TMEM236: variants seen among roughly 807,000 people sequenced by gnomAD.
TMEM236 encodes family with sequence similarity 23, member A.
In TMEM236, 11 loss-of-function variants were observed where a neutral mutation model predicts 14.7. That is an observed-to-expected ratio of 0.75 (90% CI 0.47 to 1.24). The LOEUF (loss-of-function observed/expected upper bound fraction) is 1.24, where lower values mean the gene tolerates loss of function less well. Ranked by LOEUF, TMEM236 falls within the 50% of genes most tolerant of loss-of-function variation. The pLI is 0.00. For missense variants in TMEM236, 464 were observed against 427.3 expected (o/e 1.09, Z -0.76); for synonymous variants, 182 against 168.6 (o/e 1.08, Z -0.62).
chr10:17,773,193 G>A (rs1465456123), intron 2 of TMEM236, among the ~76,000 whole-genome samples: 3 of 152,184 alleles, frequency 2.0e-5, no homozygotes, highest in Non-Finnish European at 4.4e-5. Flanking sequence ...GTATGCAGGA[G>A]CAGAACTGAT....
At chr10:17,758,569 A>T (rs1837313543) in intron 1 of TMEM236, among the ~76,000 whole-genome samples, 1 of 152,210 alleles carries the variant, frequency 6.6e-6, no homozygotes, top group Non-Finnish European at 1.5e-5. Flanking sequence ...GTTTTAAGAA[A>T]TTTCATAAGA....
rs1353938629 is a variant in TMEM236, at chr10:17,797,951, T to C, written c.*1447T>C. On this transcript the variant is annotated 3_prime_UTR_variant, in exon 4 of 4. Transcript: ENST00000377495. ...TCAAAGTACAAGCCCTGTTTAAAAT[T>C]AAAAGTTCGGCTTACAAATATAATA... The C allele has an allele frequency of 6.6e-6, 1 of 152,252 alleles. No individual in the cohort carries two copies. Among genetic ancestry groups the C allele is most frequent in the Non-Finnish European group, 1.5e-5 (1 of 68,068 alleles). The allele number at this position is 152,252 out of a possible 1,614,324, so 9.4% of individuals were successfully genotyped here.
At chr10:17,786,634 A>C (rs1837841741) in intron 3 of TMEM236, among the ~76,000 whole-genome samples, 1 of 152,184 alleles carries the variant, frequency 6.6e-6, no homozygotes, top group Non-Finnish European at 1.5e-5. Context: ...TTGGGACCTT[A>C]AGTCCTTCTG....
intron 3 of TMEM236, among the ~76,000 whole-genome samples, chr10:17,791,196 G>T: frequency 6.6e-6 from 1 of 152,046 alleles, no homozygotes. Context: ...CTGTAATTTG[G>T]TGCGTTGGGA....
At chr10:17,754,924 TTTTATTTA>T (rs372416227) in intron 1 of TMEM236, among the ~76,000 whole-genome samples, 8 of 146,774 alleles carry the variant, frequency 5.5e-5, no homozygotes, top group South Asian at 2.2e-4. Flanking sequence ...CATACTGATG[TTTTATTTA>T]TTTATTTATT....
In TMEM236 at chr10:17,798,456, T is replaced by A. The variant is rs1170877449; in HGVS notation, c.*1952T>A. On this transcript the variant is annotated 3_prime_UTR_variant, in exon 4 of 4. Transcript: ENST00000377495. ...TAGGAGGCTGGGGCAGGAAGATTGC[T>A]TGAGCCCAGGAGGTCAAGGCTACAG... The A allele has an allele frequency of 1.3e-5, 6 of 454,274 alleles. No individual in the cohort carries two copies. The highest frequency in any genetic ancestry group is 9.9e-5 in the Admixed American group (4 of 40,480). 28.1% of individuals were successfully genotyped at this position (454,274 alleles called of 1,614,324 possible). A position where few individuals can be genotyped will look rare whatever the true frequency, so the allele number is the denominator to read the frequency against.
rs1042171519 is a variant in TMEM236 at position 17,752,261 on chromosome 10, A to T, written c.-35A>T. 476 of 1,613,920 alleles carry T rather than the reference A, an allele frequency of 2.9e-4. 2 individuals carry two copies. In the African/African-American group the frequency reaches 5.7e-3, roughly 19 times the overall value. On this transcript the variant is annotated 5_prime_UTR_variant, in exon 1 of 4. Coordinates refer to ENST00000377495, the MANE Select transcript of TMEM236 (RefSeq NM_001098844.3). ...ATATGCTGCCCACAGTCAAAGAGGG[A>T]GTCCCAGGTTCTTGGCAGCTTGCTT... is the stretch of plus-strand genomic sequence containing the variant.
chr10:17,791,194 T>C (rs2461155), intron 3 of TMEM236, among the ~76,000 whole-genome samples: 126,392 of 151,986 alleles, frequency 0.83, 53,087 homozygotes, highest in African/African-American at 0.93. Flanking sequence ...GCCTGTAATT[T>C]GGTGCGTTGG....
At position 17,752,213 on chromosome 10, in the gene TMEM236, CCCAGTTCAGTGTCTGTGGGT is replaced by C. The variant is rs1334982995; in HGVS notation, c.-79_-60del. 1 of 1,607,468 alleles carries C rather than the reference CCCAGTTCAGTGTCTGTGGGT, an allele frequency of 6.2e-7. No homozygotes were observed. The highest frequency in any genetic ancestry group is 1.3e-5 in the African/African-American group (1 of 74,730). On this transcript the variant is annotated 5_prime_UTR_variant, in exon 1 of 4. Transcript: ENST00000377495. ...GCGATTCGAGGACAAGGAACTTGAT[CCCAGTTCAGTGTCTGTGGGT>C]CCATATGCTGCCCACAGTCAAAGAG...
chr10:17,787,274 C>A (rs1046311877), intron 3 of TMEM236, among the ~76,000 whole-genome samples: 3 of 152,216 alleles, frequency 2.0e-5, no homozygotes, highest in Admixed American at 6.5e-5. Flanking sequence ...CTCTGTGGGG[C>A]CTGATGTCGC....
intron 1 of TMEM236, among the ~76,000 whole-genome samples, chr10:17,770,649 C>G (rs1374113883): frequency 1.3e-5 from 2 of 152,208 alleles, no homozygotes; most frequent in Non-Finnish European, 2.9e-5. Flanking sequence ...TCCCAAAATG[C>G]TGGGATTACA....
intron 1 of TMEM236, among the ~76,000 whole-genome samples, chr10:17,763,096 A>G (rs1321810347): frequency 1.3e-5 from 2 of 152,142 alleles, no homozygotes; most frequent in Non-Finnish European, 2.9e-5. Context: ...GAAACTAGAA[A>G]ATGATATAAA....
intron 3 of TMEM236, among the ~76,000 whole-genome samples, chr10:17,783,163 T>C (rs1294231120): frequency 2.0e-5 from 3 of 152,172 alleles, no homozygotes; most frequent in Admixed American, 2.0e-4. Context: ...AGGATGATGA[T>C]TGCAGAGTGT....
At position 17,783,044 on chromosome 10, in the gene TMEM236, C is replaced by T. The variant is rs977462192; in HGVS notation, c.472+6874C>T. ...TAGTGCAGGTGGGCTGTGTTTAAAG[C>T]GCCCTGTGCTCCGTGTGGGAGTCAG... On this transcript the variant is annotated intron_variant, in intron 3 of 3. Transcript: ENST00000377495. Among the ~76,000 whole-genome samples, 993 of 152,086 alleles carry T rather than the reference C, an allele frequency of 6.5e-3. 7 individuals carry two copies. Among genetic ancestry groups the T allele is most frequent in the Admixed American group, 0.017 (261 of 15,268 alleles).
chr10:17,799,025 T>G lies in TMEM236; in HGVS notation c.*2521T>G. The G allele has an allele frequency of 3.7e-6, 1 of 266,894 alleles. No individual in the cohort carries two copies. Among genetic ancestry groups the G allele is most frequent in the Non-Finnish European group, 7.3e-6 (1 of 137,630 alleles). 16.5% of individuals were successfully genotyped at this position (266,894 alleles called of 1,614,324 possible). On this transcript the variant is annotated 3_prime_UTR_variant, in exon 4 of 4. Transcript: ENST00000377495. ...TTAAGGTTACTTCAGACTATACTTTTTCATCGAGGAGTATTGTATTCAAAA... is the reference window on the plus strand; with the variant it reads ...TTAAGGTTACTTCAGACTATACTTTGTCATCGAGGAGTATTGTATTCAAAA...
intron 3 of TMEM236, among the ~76,000 whole-genome samples, chr10:17,780,687 T>G (rs1837732411): frequency 6.6e-6 from 1 of 152,050 alleles, no homozygotes. Context: ...GAAGCAGTGT[T>G]GTTGTCTGGG....
rs1053165694 is a variant in TMEM236 at position 17,765,075 on chromosome 10, C to T, written c.258-6234C>T. On this transcript the variant is annotated intron_variant, in intron 1 of 3. Coordinates refer to ENST00000377495, the MANE Select transcript of TMEM236 (RefSeq NM_001098844.3). Reference sequence around the variant, plus strand: ...GACCTTGTGATCTGCCCACCTCAGTCTCCCAAAGTGCTGGAATTACAGGCA... The same window carrying T: ...GACCTTGTGATCTGCCCACCTCAGTTTCCCAAAGTGCTGGAATTACAGGCA... Among the ~76,000 whole-genome samples the T allele has an allele frequency of 4.1e-4, 63 of 152,132 alleles. No homozygotes were observed. The East Asian group carries it at 0.012, about 29-fold the overall frequency.
rs922393684 is a variant in TMEM236 at position 17,776,045 on chromosome 10, A to G, written c.347A>G (p.Asn116Ser). The G allele has an allele frequency of 5.8e-4, 944 of 1,613,886 alleles. 4 individuals are homozygous for G. In the African/African-American group the frequency reaches 0.011, roughly 20 times the overall value. Reference sequence around the variant, plus strand: ...TCTAAACAGGTTCAAAAGAGCATTAATGGGTCCGCTGATGTCTTACCTGAT... The same window carrying G: ...TCTAAACAGGTTCAAAAGAGCATTAGTGGGTCCGCTGATGTCTTACCTGAT... Reference protein sequence around the residue: ...IAVTEVQKSINGSADVLPDML... With the variant: ...IAVTEVQKSISGSADVLPDML... Residue 116 changes from asparagine to serine, a missense_variant, in exon 3 of 4, where the codon AAT becomes AGT. Coordinates refer to ENST00000377495, the MANE Select transcript of TMEM236 (RefSeq NM_001098844.3).
intron 3 of TMEM236, among the ~76,000 whole-genome samples, chr10:17,778,304 T>C (rs1837691886): frequency 1.3e-5 from 2 of 152,210 alleles, no homozygotes; most frequent in African/African-American, 4.8e-5. Context: ...CCTTTGTAAA[T>C]ATGAATCATA....
Sources: gnomAD v4.1 joint callset for allele counts (sites outside exome capture counted in the v4.1 genomes callset) on GRCh38, gnomAD v4.1.1 for gene constraint, MANE v1.5 for transcripts, NCBI Gene and HGNC (gene_info 2026-07-23, HGNC 2026-07-21) for gene names.